FAM114A2: variants seen among roughly 807,000 people sequenced by gnomAD.
FAM114A2 encodes family with sequence similarity 114 member A2, also known as protein FAM114A2.
A neutral mutation model predicts 58.4 loss-of-function variants in FAM114A2; 53 were observed. That is an observed-to-expected ratio of 0.91 (90% CI 0.73 to 1.14). The LOEUF (loss-of-function observed/expected upper bound fraction) is 1.14. FAM114A2 is among the 50% of genes most tolerant of loss of function. The pLI is 0.00. For synonymous variants in FAM114A2, 228 were observed against 211.4 expected (o/e 1.08, Z -0.68); for missense variants, 601 against 581.1 (o/e 1.03, Z -0.35).
At chr5:154,017,737 G>T (rs183121248) in intron 8 of FAM114A2, among the ~76,000 whole-genome samples, 1 of 152,242 alleles carries the variant, frequency 6.6e-6, no homozygotes, top group Non-Finnish European at 1.5e-5. Context: ...ATTATATCAT[G>T]CACTCTCTCA....
intron 8 of FAM114A2, among the ~76,000 whole-genome samples, chr5:154,014,105 T>A (rs1043114114): frequency 6.6e-6 from 1 of 152,212 alleles, no homozygotes; most frequent in African/African-American, 2.4e-5. Context: ...CTTCTCAATA[T>A]CTCAAGGCAG....
In FAM114A2 at chr5:154,011,271, G is replaced by A. The variant is rs756224449; in HGVS notation, c.963C>T (p.His321=). ...KDITELFSQL[H]VSSKPEKLAR... ...CAAGTTTCTCTGGTTTGGAGGAAACGTGCAGCTGGGAAAACAGCTCTGTTA... is the reference window on the plus strand; with the variant it reads ...CAAGTTTCTCTGGTTTGGAGGAAACATGCAGCTGGGAAAACAGCTCTGTTA... The change falls in exon 9 of 14, where the codon CAC becomes CAT. Residue 321 remains histidine (H), a synonymous_variant. Coordinates refer to ENST00000351797, the MANE Select transcript of FAM114A2 (RefSeq NM_018691.4). 13 of 1,611,922 alleles carry A rather than the reference G, an allele frequency of 8.1e-6. No homozygotes were observed. The highest frequency in any genetic ancestry group is 1.6e-4 in the Middle Eastern group (1 of 6,078).
rs1770684854 is a variant in FAM114A2, at chr5:154,011,339, T to C, written c.914-19A>G. The C allele has an allele frequency of 1.3e-6, 2 of 1,569,810 alleles. No individual in the cohort carries two copies. The highest frequency in any genetic ancestry group is 1.8e-6 in the Non-Finnish European group (2 of 1,142,420). ...TCATCCCCTAAAAAACCAAGTCCCA[T>C]ATAAAACACTCCAGAAAGACTGCTG... is the stretch of plus-strand genomic sequence containing the variant. On this transcript the variant is annotated intron_variant, in intron 8 of 13. Transcript: ENST00000351797.
rs745627963 is a variant in FAM114A2, at chr5:154,029,554, T to C, written c.430A>G (p.Asn144Asp). The C allele has an allele frequency of 6.2e-7, 1 of 1,608,636 alleles. No homozygotes were observed. The highest frequency in any genetic ancestry group is 8.5e-7 in the Non-Finnish European group (1 of 1,175,626). ...AATGCCCCAGCCACTGGGGAGGAGT[T>C]TTCATTCTCTTTGGCATTTGTCTCT... ...AGETNAKENE[N>D]SSPVAGAFGV... is the part of the protein sequence containing the mutation. Residue 144 changes from asparagine to aspartate, a missense_variant, in exon 5 of 14, where the codon AAC (asparagine) becomes GAC (aspartate). Coordinates refer to ENST00000351797, the MANE Select transcript of FAM114A2 (RefSeq NM_018691.4).
intron 12 of FAM114A2, 34 bp from the exon 13 acceptor site, chr5:153,995,006 G>GCC: frequency 6.8e-7 from 1 of 1,469,328 alleles, no homozygotes; most frequent in Non-Finnish European, 9.5e-7. Context: ...AGTGAGCAGA[G>GCC]TAGGTTAAAT....
intron 11 of FAM114A2, 124 bp downstream of exon 11, chr5:154,002,127 C>A: frequency 2.6e-6 from 2 of 770,840 alleles, no homozygotes; most frequent in South Asian, 2.1e-5. Context: ...ATGAACAAAC[C>A]ATCTAATATG....
Position 154,002,396 on chromosome 5 carries a change from T to C in FAM114A2, c.1117-6A>G. On this transcript the variant is annotated splice_polypyrimidine_tract_variant and splice_region_variant and intron_variant, in intron 10 of 13. Transcript: ENST00000351797. ...ATTGCAAACGCATGGATATCCTGGA[T>C]GGAAAAACAAAACAAAGCATAGCAA... is the stretch of plus-strand genomic sequence containing the variant. 1 of 1,613,132 alleles carries C rather than the reference T, an allele frequency of 6.2e-7. No homozygotes were observed.
intron 8 of FAM114A2, among the ~76,000 whole-genome samples, chr5:154,016,778 A>T (rs1409468432): frequency 6.6e-6 from 1 of 152,190 alleles, no homozygotes; most frequent in Non-Finnish European, 1.5e-5. Flanking sequence ...GGTGCCTCAC[A>T]TCTCAAAAGT....
At chr5:154,006,684 T>C (rs1322137916) in intron 9 of FAM114A2, among the ~76,000 whole-genome samples, 1 of 151,390 alleles carries the variant, frequency 6.6e-6, no homozygotes, top group Admixed American at 6.6e-5. Flanking sequence ...AAGAGACAAA[T>C]TGAGTAAAAA....
intron 13 of FAM114A2, 149 bp from the exon 14 acceptor site, chr5:153,993,259 A>G (rs1769349617): frequency 1.8e-6 from 1 of 554,886 alleles, no homozygotes; most frequent in Non-Finnish European, 3.1e-6. Context: ...CCATTTTGGT[A>G]AACTCTATTA....
chr5:154,022,367 G>A (rs949967014), intron 8 of FAM114A2, among the ~76,000 whole-genome samples: 14 of 152,248 alleles, frequency 9.2e-5, no homozygotes, highest in African/African-American at 3.1e-4. Context: ...AATGGGAGAA[G>A]ATGTTTGCAA....
chr5:154,004,732 TCCTC>T (rs151066877), intron 9 of FAM114A2, among the ~76,000 whole-genome samples: 92,797 of 151,468 alleles, frequency 0.61, 28,929 homozygotes, highest in East Asian at 0.87. Context: ...CTTCCCGTCT[TCCTC>T]CTCCCTATTA....
chr5:154,022,685 G>A (rs1019696175), intron 8 of FAM114A2, among the ~76,000 whole-genome samples: 7 of 152,226 alleles, frequency 4.6e-5, no homozygotes, highest in Non-Finnish European at 1.0e-4. Flanking sequence ...TACAATGTTG[G>A]TGGGAGTGTA....
rs565718152 is a variant in FAM114A2, at chr5:153,990,263, T to G, written c.*2713A>C. The G allele has an allele frequency of 1.3e-5, 2 of 152,172 alleles. No individual in the cohort carries two copies. The highest frequency in any genetic ancestry group is 2.9e-5 in the Non-Finnish European group (2 of 68,034). The allele number at this position is 152,172 out of a possible 1,614,324, so 9.4% of individuals were successfully genotyped here. On this transcript the variant is annotated 3_prime_UTR_variant, in exon 14 of 14. Transcript: ENST00000351797. ...AAAATGTCTATTTCTCAAATGGAGATATCAATAGCAACTACCTATAAAATA... is the reference window on the plus strand; with the variant it reads ...AAAATGTCTATTTCTCAAATGGAGAGATCAATAGCAACTACCTATAAAATA...
chr5:154,000,136 T>A (rs921758782), intron 11 of FAM114A2, among the ~76,000 whole-genome samples: 1 of 151,938 alleles, frequency 6.6e-6, no homozygotes, highest in Non-Finnish European at 1.5e-5. Flanking sequence ...ATGTGGGAGC[T>A]AAAAAAACAT....
chr5:154,012,113 G>A (rs1026527481), intron 8 of FAM114A2, among the ~76,000 whole-genome samples: 10 of 152,188 alleles, frequency 6.6e-5, no homozygotes, highest in Middle Eastern at 3.4e-3. Context: ...AATAATCTAG[G>A]ATCCAGGTAA....
chr5:154,005,201 G>C (rs983942075), intron 9 of FAM114A2, among the ~76,000 whole-genome samples: 4 of 152,150 alleles, frequency 2.6e-5, no homozygotes, highest in African/African-American at 9.7e-5. Flanking sequence ...TTTTGGATAT[G>C]GATATGACCA....
At chr5:154,020,005 C>G (rs1360164950) in intron 8 of FAM114A2, among the ~76,000 whole-genome samples, 1 of 152,168 alleles carries the variant, frequency 6.6e-6, no homozygotes, top group African/African-American at 2.4e-5. Context: ...CTAAAAACTG[C>G]ACAACTACAT....
chr5:154,011,409 A>G, intron 8 of FAM114A2, 89 bp from the exon 9 acceptor site: 2 of 791,672 alleles, frequency 2.5e-6, no homozygotes, highest in East Asian at 2.5e-5. Context: ...GAGGAGTGGT[A>G]ATAGCAGTGA....
Sources: gnomAD v4.1 joint callset for allele counts (sites outside exome capture counted in the v4.1 genomes callset) on GRCh38, gnomAD v4.1.1 for gene constraint, MANE v1.5 for transcripts, NCBI Gene and HGNC (gene_info 2026-07-23, HGNC 2026-07-21) for gene names.